ZNF429: variants seen among roughly 807,000 people sequenced by gnomAD.
ZNF429 encodes zinc finger protein 429.
A neutral mutation model predicts 56.8 loss-of-function variants in ZNF429; 53 were observed. The observed-to-expected ratio is 0.93, with a 90% CI of 0.75 to 1.17. ZNF429 has a LOEUF of 1.17. Among genes scored for constraint, ZNF429 ranks in the 50% most tolerant of loss-of-function variants. ZNF429 has a pLI of 0.00. For missense variants in ZNF429, 849 were observed against 788.4 expected (o/e 1.08, Z -0.92); for synonymous variants, 278 against 264.7 (o/e 1.05, Z -0.49).
intron 3 of ZNF429, among the ~76,000 whole-genome samples, chr19:21,530,924 C>A: frequency 6.6e-6 from 1 of 151,686 alleles, no homozygotes; most frequent in African/African-American, 2.4e-5. Flanking sequence ...TGGCCAACAT[C>A]ATGAAACTGC....
intron 1 of ZNF429, among the ~76,000 whole-genome samples, chr19:21,528,654 G>A (rs955100693): frequency 4.6e-5 from 7 of 151,900 alleles, no homozygotes; most frequent in East Asian, 1.9e-4. Context: ...GCAGTGAGCC[G>A]AAATTGTGCC....
At chr19:21,533,048 TA>T in intron 3 of ZNF429, among the ~76,000 whole-genome samples, 1 of 152,070 alleles carries the variant, frequency 6.6e-6, no homozygotes, top group Non-Finnish European at 1.5e-5. Flanking sequence ...CATTTTAAAG[TA>T]ATGGCTGCAT....
rs138757574 is a variant in ZNF429, at chr19:21,536,380, G to C, written c.327G>C (p.Glu109Asp). The change falls in exon 4 of 4, where the codon GAG becomes GAC. Residue 109 changes from glutamate (E) to aspartate (D), a missense_variant. By Grantham distance (45) the Glu-to-Asp change is conservative. Transcript: ENST00000358491. ...TLRRYDKRGH[E>D]NLQLRKGYKT... ...GGAGATATGATAAACGTGGACATGA[G>C]AACTTACAATTAAGAAAAGGCTATA... 1 of 1,613,850 alleles carries C rather than the reference G, an allele frequency of 6.2e-7. No individual in the cohort carries two copies. Among genetic ancestry groups the C allele is most frequent in the Non-Finnish European group, 8.5e-7 (1 of 1,179,894 alleles).
Position 21,530,618 on chromosome 19 carries a change from A to T in ZNF429, c.160A>T (p.Thr54Ser), listed in dbSNP as rs751484360. The T allele has an allele frequency of 1.2e-6, 2 of 1,611,144 alleles. No individual in the cohort carries two copies. Among genetic ancestry groups the T allele is most frequent in the Non-Finnish European group, 1.7e-6 (2 of 1,178,810 alleles). ...TGCTGTTTCTAAGCCAGACCTAATC[A>T]CTTGTCTAGAGAAAGAAAAAGAACC... ...GIAVSKPDLI[T>S]CLEKEKEPCK... The change falls in exon 3 of 4, where the codon ACT becomes TCT. Residue 54 changes from threonine (T) to serine (S), a missense_variant. Coordinates refer to ENST00000358491, the MANE Select transcript of ZNF429 (RefSeq NM_001001415.4).
At chr19:21,512,402 G>C (rs1245030006) in intron 1 of ZNF429, among the ~76,000 whole-genome samples, 1 of 152,008 alleles carries the variant, frequency 6.6e-6, no homozygotes, top group Non-Finnish European at 1.5e-5. Context: ...GCCATGCGCG[G>C]TAATTTCAGC....
intron 1 of ZNF429, among the ~76,000 whole-genome samples, chr19:21,523,679 G>A (rs1242902812): frequency 6.6e-6 from 1 of 152,230 alleles, no homozygotes; most frequent in Non-Finnish European, 1.5e-5. Flanking sequence ...AAATCCACTT[G>A]TAAGTGCTGC....
In ZNF429 at chr19:21,536,466, CACTT is replaced by C. The variant is rs747799527; in HGVS notation, c.416_419del (p.Leu139ProfsTer12). On this transcript the variant is annotated frameshift_variant, in exon 4 of 4. Transcript: ENST00000358491. LOFTEE classifies it high-confidence loss of function. ...TATAATGGACTTAACCAATGTTTGACACTTACCCAGAGCAAAATGTATCACTGTG... is the reference window on the plus strand; with the variant it reads ...TATAATGGACTTAACCAATGTTTGACACCCAGAGCAAAATGTATCACTGTG... 8.7e-6 allele frequency: 14 copies of C among 1,613,276 alleles called. No individual in the cohort carries two copies. The highest frequency in any genetic ancestry group is 1.2e-5 in the Non-Finnish European group (14 of 1,179,726).
In ZNF429 at chr19:21,536,590, C is replaced by A. The variant is rs201591362; in HGVS notation, c.537C>A (p.Gly179=). 5 of 1,613,632 alleles carry A rather than the reference C, an allele frequency of 3.1e-6. No homozygotes were observed. The highest frequency in any genetic ancestry group is 4.2e-6 in the Non-Finnish European group (5 of 1,179,796). ...AACCTTTCCAGTGTAAAAAATGTGG[C>A]AAATCATTTTGCATGCTTTCACAAC... ...GKKPFQCKKC[G]KSFCMLSQLT... Residue 179 remains glycine, a synonymous_variant, in exon 4 of 4, where the codon GGC becomes GGA. Transcript: ENST00000358491.
rs759041259 is a variant in ZNF429 at position 21,537,556 on chromosome 19, A to T, written c.1503A>T (p.Lys501Asn). The part of the protein sequence containing the change: ...KQSSNLNSHK[K>N]IHSGEKPYKC... ...CCTCAAACCTTAACAGTCATAAAAA[A>T]ATTCATAGTGGAGAGAAACCCTACA... Residue 501 changes from lysine to asparagine, a missense_variant, in exon 4 of 4, where the codon AAA (lysine) becomes AAT (asparagine). Transcript: ENST00000358491. The T allele has an allele frequency of 1.7e-5, 28 of 1,613,584 alleles. No individual in the cohort carries two copies. Among genetic ancestry groups the T allele is most frequent in the Non-Finnish European group, 1.9e-5 (22 of 1,179,992 alleles).
chr19:21,531,119 A>AAAC, intron 3 of ZNF429, among the ~76,000 whole-genome samples: 7 of 88,460 alleles, frequency 7.9e-5, no homozygotes, highest in African/African-American at 3.0e-4. Context: ...AAAAAAAAAA[A>AAAC]AAAAAAAAAA....
At position 21,536,352 on chromosome 19, in the gene ZNF429, T is replaced by A. The variant is rs781650441; in HGVS notation, c.299T>A (p.Leu100Gln). 6.2e-7 allele frequency: 1 copy of A among 1,613,358 alleles called. No homozygotes were observed. The highest frequency in any genetic ancestry group is 1.3e-5 in the African/African-American group (1 of 74,988). ...DIKDSFQKVTLRRYDKRGHEN... is the reference protein window; with the variant it reads ...DIKDSFQKVTQRRYDKRGHEN... ...AAAGATTCTTTCCAAAAAGTGACAC[T>A]GAGGAGATATGATAAACGTGGACAT... Residue 100 changes from leucine to glutamine, a missense_variant, in exon 4 of 4, where the codon CTG becomes CAG. Physicochemically the swap from Leu to Gln is moderately radical, Grantham distance 113. Transcript: ENST00000358491.
rs372665002 is a variant in ZNF429 at position 21,505,757 on chromosome 19, C to G, written c.-15C>G. On this transcript the variant is annotated 5_prime_UTR_variant, in exon 1 of 4. Coordinates refer to ENST00000358491, the MANE Select transcript of ZNF429 (RefSeq NM_001001415.4). ...ATACACAGCTAAGACTCCAGGACCC[C>G]CTGGAAGCCTAGAAATGGTGAGAGT... The G allele has an allele frequency of 6.2e-7, 1 of 1,610,850 alleles. No individual in the cohort carries two copies. The highest frequency in any genetic ancestry group is 1.3e-5 in the African/African-American group (1 of 74,910).
chr19:21,514,723 C>A (rs2032657553), intron 1 of ZNF429, among the ~76,000 whole-genome samples: 1 of 151,706 alleles, frequency 6.6e-6, no homozygotes, highest in African/African-American at 2.4e-5. Flanking sequence ...CTCAGCCTCC[C>A]AAGTAGCTGG....
At chr19:21,535,406 T>TTTTTC in intron 3 of ZNF429, among the ~76,000 whole-genome samples, 8 of 18,660 alleles carry the variant, frequency 4.3e-4, no homozygotes, top group East Asian at 2.6e-3. Flanking sequence ...TCTTTCTTTC[T>TTTTTC]TTTTCTTTTC....
At chr19:21,525,881 C>CTGT (rs2033150361) in intron 1 of ZNF429, among the ~76,000 whole-genome samples, 2 of 148,688 alleles carry the variant, frequency 1.3e-5, no homozygotes, top group African/African-American at 2.5e-5. Context: ...AATTAAAATT[C>CTGT]TGGGTCCTTT....
At chr19:21,535,115 C>G in intron 3 of ZNF429, among the ~76,000 whole-genome samples, 1 of 150,916 alleles carries the variant, frequency 6.6e-6, no homozygotes, top group African/African-American at 2.4e-5. Flanking sequence ...GCGTGAGCCA[C>G]CGCGCCCGGC....
At chr19:21,519,961 T>C (rs2032929452) in intron 1 of ZNF429, among the ~76,000 whole-genome samples, 1 of 151,464 alleles carries the variant, frequency 6.6e-6, no homozygotes, top group South Asian at 2.1e-4. Flanking sequence ...GTTCAAGCAA[T>C]TCTCGTGCCT....
At chr19:21,527,143 T>G (rs1257429429) in intron 1 of ZNF429, among the ~76,000 whole-genome samples, 1 of 152,248 alleles carries the variant, frequency 6.6e-6, no homozygotes, top group South Asian at 2.1e-4. Context: ...TTTGTCTAAC[T>G]AATACTAATG....
intron 1 of ZNF429, among the ~76,000 whole-genome samples, chr19:21,510,123 G>A (rs2032380162): frequency 1.3e-5 from 2 of 152,038 alleles, no homozygotes; most frequent in Non-Finnish European, 2.9e-5. Context: ...TGGCCAGGCT[G>A]GTCTCGAAGT....
Sources: gnomAD v4.1 joint callset for allele counts (sites outside exome capture counted in the v4.1 genomes callset) on GRCh38, gnomAD v4.1.1 for gene constraint, MANE v1.5 for transcripts, NCBI Gene and HGNC (gene_info 2026-07-23, HGNC 2026-07-21) for gene names.